The following MYH10 variants were observed in gnomAD, a reference collection of about 807,000 sequenced individuals.
The protein encoded by MYH10 is myosin-10.
A neutral mutation model predicts 257.8 loss-of-function variants in MYH10; 55 were observed. That is an observed-to-expected ratio of 0.21 (90% CI 0.17 to 0.27). The LOEUF (loss-of-function observed/expected upper bound fraction) is 0.27. MYH10 is among the 10% of genes least tolerant of loss of function. The pLI is 1.00. For synonymous variants in MYH10, 854 were observed against 921.7 expected, an observed-to-expected ratio of 0.93 and a Z score of 1.33; for missense variants, 1,631 against 2,500.6, an observed-to-expected ratio of 0.65 and a Z score of 7.42.
At chr17:8,486,543 C>CAAA (rs67844660) in intron 36 of MYH10, among the ~76,000 whole-genome samples, 2 of 120,766 alleles carry the variant, frequency 1.7e-5, no homozygotes, top group African/African-American at 6.8e-5. Flanking sequence ...TATTTAGCTT[C>CAAA]AAAAAAAAAA....
intron 7 of MYH10, among the ~76,000 whole-genome samples, chr17:8,555,668 T>C (rs779684064): frequency 4.6e-5 from 7 of 152,194 alleles, no homozygotes; most frequent in Non-Finnish European, 1.0e-4. Flanking sequence ...CCTAAATACA[T>C]GGGCTAAAAC....
intron 2 of MYH10, among the ~76,000 whole-genome samples, chr17:8,606,334 T>A (rs2084804865): frequency 1.3e-5 from 2 of 152,318 alleles, no homozygotes; most frequent in Admixed American, 1.3e-4. Context: ...CGCTGACAGA[T>A]GCTCTAACCC....
In MYH10 at chr17:8,499,332, C is replaced by T. The variant is rs1186689593; in HGVS notation, c.3889G>A (p.Ala1297Thr). 1.9e-6 allele frequency: 3 copies of T among 1,614,042 alleles called. No homozygotes were observed. The African/African-American group carries it at 4.0e-5, about 22-fold the overall frequency. ...KLDAQVQELH[A>T]KVSEGDRLRV... ...AGCCTGTCGCCTTCAGAGACCTTGG[C>T]ATGGAGCTCCTGGACCTGCGCGTCG... The change falls in exon 30 of 43, where the codon GCC becomes ACC. Residue 1297 changes from alanine to threonine, a missense_variant. Ala to Thr is a moderately conservative substitution (Grantham distance 58, BLOSUM62 0). Transcript: ENST00000360416.
At chr17:8,581,644 AT>A (rs1432510065) in intron 4 of MYH10, among the ~76,000 whole-genome samples, 1 of 152,196 alleles carries the variant, frequency 6.6e-6, no homozygotes, top group East Asian at 1.9e-4. Context: ...AAGAGGATAG[AT>A]TATGGGTCTT....
At chr17:8,499,075 TA>T (rs750328011) in intron 30 of MYH10, among the ~76,000 whole-genome samples, 194 bp downstream of exon 30, 1 of 152,220 alleles carries the variant, frequency 6.6e-6, no homozygotes, top group Non-Finnish European at 1.5e-5. Flanking sequence ...GTGTTCTTCT[TA>T]AAATAAATAT....
chr17:8,572,292 C>T (rs965735932), intron 6 of MYH10, among the ~76,000 whole-genome samples: 6 of 150,308 alleles, frequency 4.0e-5, no homozygotes, highest in Admixed American at 2.7e-4. Flanking sequence ...GAGAGAGATC[C>T]ACTGATTCTA....
chr17:8,557,120 A>C (rs1238364068), intron 7 of MYH10, among the ~76,000 whole-genome samples: 1 of 152,212 alleles, frequency 6.6e-6, no homozygotes, highest in Non-Finnish European at 1.5e-5. Flanking sequence ...TATTAAAAAA[A>C]TGAGTAGTCA....
In MYH10 at chr17:8,601,898, T is replaced by TG. The variant is rs138574118; in HGVS notation, c.502+2927dup. On this transcript the variant is annotated intron_variant, in intron 3 of 42. Coordinates refer to ENST00000360416, the MANE Select transcript of MYH10 (RefSeq NM_001256012.3). Reference sequence around the variant, plus strand: ...TTTTTTATTAATACACTTAAAGATGTGGGATGTGTGACCAAAAAGTTTGTG... The same window carrying TG: ...TTTTTTATTAATACACTTAAAGATGTGGGGATGTGTGACCAAAAAGTTTGTG... Among the ~76,000 whole-genome samples, 57 of 152,082 alleles carry TG rather than the reference T, an allele frequency of 3.7e-4. 1 individual carries two copies. The East Asian group carries it at 0.01, about 28-fold the overall frequency.
Position 8,521,229 on chromosome 17 carries a change from A to T in MYH10, c.2014T>A (p.Ser672Thr), listed in dbSNP as rs1286251207. 3 of 1,614,180 alleles carry T rather than the reference A, an allele frequency of 1.9e-6. No homozygotes were observed. The highest frequency in any genetic ancestry group is 2.5e-6 in the Non-Finnish European group (3 of 1,180,026). ...VTGMTETAFG[S>T]AYKTKKGMFR... ...ATGCCCTTCTTGGTTTTATATGCGG[A>T]GCCAAAAGCTGTCTCAGTCATACCA... Residue 672 changes from serine to threonine, a missense_variant, in exon 18 of 43, where the codon TCC becomes ACC. Physicochemically the swap from Ser to Thr is moderately conservative, Grantham distance 58. Around this residue, in one of 11 missense-constraint regions of MYH10, gnomAD observed 96 missense variants for 146.2 expected, o/e 0.66. Transcript: ENST00000360416.
chr17:8,541,840 G>C (rs758891649), intron 14 of MYH10, among the ~76,000 whole-genome samples: 3 of 152,154 alleles, frequency 2.0e-5, no homozygotes, highest in Non-Finnish European at 4.4e-5. Flanking sequence ...TCTGCAGTCT[G>C]TGCGAGCCAG....
chr17:8,612,077 C>A (rs1204171520), intron 2 of MYH10, among the ~76,000 whole-genome samples: 1 of 152,220 alleles, frequency 6.6e-6, no homozygotes, highest in African/African-American at 2.4e-5. Flanking sequence ...TGAAATCTGG[C>A]ACAATTCCGC....
rs569713295 is a variant in MYH10 at position 8,556,397 on chromosome 17, A to G, written c.757-2379T>C. Among the ~76,000 whole-genome samples the G allele has an allele frequency of 2.0e-5, 3 of 152,380 alleles. No individual in the cohort carries two copies. The South Asian group carries it at 6.2e-4, about 32-fold the overall frequency. ...CACCAACTGGTGAATGGATGAAGAA[A>G]TCGTGGTATATTCACAAAATGGAAC... On this transcript the variant is annotated intron_variant, in intron 7 of 42. Coordinates refer to ENST00000360416, the MANE Select transcript of MYH10 (RefSeq NM_001256012.3).
Position 8,480,420 on chromosome 17 carries a change from G to C in MYH10, c.5370C>G (p.Phe1790Leu), listed in dbSNP as rs780299862. ...GGGCCACCTGTAGAGTGGTCTTGCG[G>C]AAGCGGTCGTTGAGCAGCTCCATGT... is the stretch of plus-strand genomic sequence containing the variant. ...QSNMELLNDRFRKTTLQVDTL... is the reference protein window; with the variant it reads ...QSNMELLNDRLRKTTLQVDTL... The change falls in exon 39 of 43, where the codon TTC becomes TTG. Residue 1790 changes from phenylalanine (F) to leucine (L), a missense_variant. By Grantham distance (22) the Phe-to-Leu change is conservative. Around this residue, in one of 11 missense-constraint regions of MYH10, gnomAD observed 343 missense variants for 389.5 expected, o/e 0.88. Coordinates refer to ENST00000360416, the MANE Select transcript of MYH10 (RefSeq NM_001256012.3). The C allele has an allele frequency of 1.2e-6, 2 of 1,613,348 alleles. No homozygotes were observed. The highest frequency in any genetic ancestry group is 1.1e-5 in the South Asian group (1 of 91,078).
chr17:8,524,035 T>C (rs953250471), intron 17 of MYH10, among the ~76,000 whole-genome samples: 14 of 151,702 alleles, frequency 9.2e-5, no homozygotes, highest in African/African-American at 2.4e-4. Context: ...GGAAGAGAGG[T>C]TGGAACTAGA....
rs1193321017 is a variant in MYH10 at position 8,511,063 on chromosome 17, CACAT to C, written c.2953-1118_2953-1115del. The stretch of plus-strand genomic sequence containing the variant: ...ATATATATATATATATATATATACA[CACAT>C]ACATACATACACACACACACACTTA... On this transcript the variant is annotated intron_variant, in intron 24 of 42. Transcript: ENST00000360416. The C allele has an allele frequency of 6.7e-4, 48 of 71,122 alleles. 5 individuals carry two copies. Among genetic ancestry groups the C allele is most frequent in the African/African-American group, 1.9e-3 (44 of 22,628 alleles). The allele number at this position is 71,122 out of a possible 1,614,324, so 4.4% of individuals were successfully genotyped here. A position where few individuals can be genotyped will look rare whatever the true frequency, so the allele number is the denominator to read the frequency against.
intron 9 of MYH10, among the ~76,000 whole-genome samples, chr17:8,550,999 A>G (rs2082622149): frequency 6.6e-6 from 1 of 151,374 alleles, no homozygotes; most frequent in Non-Finnish European, 1.5e-5. Context: ...GGACACAAAC[A>G]CTGCGGAAGG....
chr17:8,541,974 C>T (rs541175027), intron 14 of MYH10, 133 bp downstream of exon 14: 3 of 895,494 alleles, frequency 3.4e-6, no homozygotes, highest in East Asian at 5.3e-5. Context: ...CAGAGTATCA[C>T]CTTCCTAGAA....
At chr17:8,489,745 A>ACACACACACACCCC (rs1258993754) in intron 35 of MYH10, among the ~76,000 whole-genome samples, 20 of 150,798 alleles carry the variant, frequency 1.3e-4, no homozygotes, top group African/African-American at 4.4e-4. Context: ...ACACACACAC[A>ACACACACACACCCC]CCCCAAATCC....
At position 8,530,653 on chromosome 17, in the gene MYH10, C is replaced by A; in HGVS notation, c.1927G>T (p.Asp643Tyr). Reference protein sequence around the residue: ...IQNIQRASFYDSVSGLHEPPV... With the variant: ...IQNIQRASFYYSVSGLHEPPV... Reference sequence around the variant, plus strand: ...GGCTCATGAAGACCAGAAACACTGTCATAGAAAGAAGCTCTCTGAATATTC... The same window carrying A: ...GGCTCATGAAGACCAGAAACACTGTAATAGAAAGAAGCTCTCTGAATATTC... Residue 643 changes from aspartate (D) to tyrosine (Y), a missense_variant, in exon 17 of 43, where the codon GAC (aspartate) becomes TAC (tyrosine). Physicochemically the swap from Asp to Tyr is radical, Grantham distance 160. This residue lies in a region of MYH10 where 96 missense variants were observed against 146.2 expected (regional missense o/e 0.66). Coordinates refer to ENST00000360416, the MANE Select transcript of MYH10 (RefSeq NM_001256012.3). 6.5e-7 allele frequency: 1 copy of A among 1,549,382 alleles called. No individual in the cohort carries two copies. Among genetic ancestry groups the A allele is most frequent in the South Asian group, 1.2e-5 (1 of 83,918 alleles).
Sources: gnomAD v4.1 joint callset for allele counts (sites outside exome capture counted in the v4.1 genomes callset) on GRCh38, gnomAD v4.1.1 for gene constraint, gnomAD v4.1.1 regional missense constraint, MANE v1.5 for transcripts, NCBI Gene and HGNC (gene_info 2026-07-23, HGNC 2026-07-21) for gene names.